Variants in NRP2 observed in about 807,000 individuals in gnomAD.
The protein encoded by NRP2 is neuropilin-2.
A neutral mutation model predicts 110.4 loss-of-function variants in NRP2; 52 were observed. The observed-to-expected ratio is 0.47, with a 90% CI of 0.38 to 0.59. NRP2 has a LOEUF of 0.59. NRP2 is among the 20% of genes least tolerant of loss of function. NRP2 has a pLI of 0.00. For missense variants in NRP2, 1,049 were observed against 1,203.0 expected (o/e 0.87, Z 1.89); for synonymous variants, 508 against 468.9 (o/e 1.08, Z -1.08).
intron 1 of NRP2, among the ~76,000 whole-genome samples, chr2:205,694,923 T>C (rs2056391699): frequency 2.0e-5 from 3 of 152,238 alleles, no homozygotes. Flanking sequence ...TATTTATCTT[T>C]GTGGATATAT....
At chr2:205,768,981 C>T (rs2057973244) in intron 15 of NRP2, among the ~76,000 whole-genome samples, 4 of 152,152 alleles carry the variant, frequency 2.6e-5, no homozygotes, top group Admixed American at 2.6e-4. Flanking sequence ...TGGCTGAGAC[C>T]TGTTTGACCA....
At position 205,701,538 on chromosome 2, in the gene NRP2, C is replaced by CAA. The variant is rs11448123; in HGVS notation, c.251+3832_251+3833dup. The CAA allele has an allele frequency of 3.5e-3, 453 of 128,654 alleles. 1 individual carries two copies. The highest frequency in any genetic ancestry group is 9.4e-3 in the South Asian group (37 of 3,918). The allele number at this position is 128,654 out of a possible 1,614,324, so 8.0% of individuals were successfully genotyped here. ...TGGGTGAAAGAGTGAGACTCTGTCT[C>CAA]AAAAAAAAAAAAAAAAGAATTGGTA... On this transcript the variant is annotated intron_variant, in intron 2 of 16. Transcript: ENST00000357785.
At chr2:205,745,926 A>G (rs371165918) in intron 10 of NRP2, 36 bp downstream of exon 10, 51 of 1,612,724 alleles carry the variant, frequency 3.2e-5, no homozygotes, top group Non-Finnish European at 3.6e-5. Context: ...CATCTCACCC[A>G]CATGGTCCTC....
At chr2:205,703,893 C>G (rs2056615543) in intron 2 of NRP2, among the ~76,000 whole-genome samples, 2 of 152,124 alleles carry the variant, frequency 1.3e-5, no homozygotes, top group South Asian at 4.2e-4. Context: ...TGACACAAAC[C>G]CTTTTCCCGG....
intron 16 of NRP2, among the ~76,000 whole-genome samples, 160 bp downstream of exon 16, chr2:205,792,445 A>T (rs893286710): frequency 6.6e-6 from 1 of 152,244 alleles, no homozygotes; most frequent in African/African-American, 2.4e-5. Context: ...CCATCAATGG[A>T]TCTGTCAGGG....
chr2:205,736,030 A>C (rs1470632403), intron 7 of NRP2, among the ~76,000 whole-genome samples: 1 of 152,190 alleles, frequency 6.6e-6, no homozygotes, highest in East Asian at 1.9e-4. Context: ...AACCATACTA[A>C]GATCTTTCTT....
In NRP2 at chr2:205,743,504, C is replaced by A. The variant is rs373025184; in HGVS notation, c.1593C>A (p.Asn531Lys). 1 of 1,614,200 alleles carries A rather than the reference C, an allele frequency of 6.2e-7. No individual in the cohort carries two copies. The change falls in exon 9 of 17, where the codon AAC becomes AAA. Residue 531 changes from asparagine (N) to lysine (K), a missense_variant. Asn to Lys is a moderately conservative substitution (Grantham distance 94). Coordinates refer to ENST00000357785, the MANE Select transcript of NRP2 (RefSeq NM_003872.3). ...VRKFKVSYSL[N>K]GKDWEYIQDP... Reference sequence around the variant, plus strand: ...AGTTCAAAGTCTCCTACAGCCTAAACGGCAAGGACTGGGAATACATTCAGG... The same window carrying A: ...AGTTCAAAGTCTCCTACAGCCTAAAAGGCAAGGACTGGGAATACATTCAGG...
intron 2 of NRP2, among the ~76,000 whole-genome samples, chr2:205,710,828 C>T (rs961911763): frequency 2.0e-5 from 3 of 152,180 alleles, no homozygotes; most frequent in African/African-American, 7.2e-5. Context: ...AAGAAAGGCA[C>T]TCCAGGAGGT....
intron 12 of NRP2, among the ~76,000 whole-genome samples, chr2:205,758,733 T>C (rs1466706660): frequency 1.3e-5 from 2 of 152,202 alleles, no homozygotes; most frequent in African/African-American, 4.8e-5. Flanking sequence ...TTCAATCTCT[T>C]TCAGCAATGG....
intron 15 of NRP2, among the ~76,000 whole-genome samples, chr2:205,782,959 A>G (rs376997906): frequency 8.6e-5 from 13 of 152,006 alleles, no homozygotes; most frequent in East Asian, 3.9e-4. Flanking sequence ...GGTCAAACAC[A>G]TCCCTGTTTT....
intron 2 of NRP2, among the ~76,000 whole-genome samples, chr2:205,706,610 A>C (rs1448309533): frequency 6.6e-6 from 1 of 152,186 alleles, no homozygotes; most frequent in Non-Finnish European, 1.5e-5. Context: ...CTAAAAGTTC[A>C]AAGCGATTTA....
At chr2:205,777,404 T>A (rs1434518821) in intron 15 of NRP2, 1 of 152,312 alleles carries the variant, frequency 6.6e-6, no homozygotes, top group Non-Finnish European at 1.5e-5. Context: ...TCATGTTGCC[T>A]TATAAAAGAG....
chr2:205,734,704 C>T (rs1861386), intron 7 of NRP2, among the ~76,000 whole-genome samples: 98,683 of 151,972 alleles, frequency 0.65, 32,654 homozygotes, highest in African/African-American at 0.78. Context: ...TTTGTTTTCC[C>T]CCTTCTTGAG....
At position 205,763,785 on chromosome 2, in the gene NRP2, A is replaced by G; in HGVS notation, c.2156A>G (p.Gln719Arg). 3 of 1,614,198 alleles carry G rather than the reference A, an allele frequency of 1.9e-6. No homozygotes were observed. Among genetic ancestry groups the G allele is most frequent in the Non-Finnish European group, 2.5e-6 (3 of 1,180,030 alleles). The change falls in exon 13 of 17, where the codon CAG becomes CGG. Residue 719 changes from glutamine (Q) to arginine (R), a missense_variant. Physicochemically the swap from Gln to Arg is conservative, Grantham distance 43 (BLOSUM62 1). Coordinates refer to ENST00000357785, the MANE Select transcript of NRP2 (RefSeq NM_003872.3). This position sits in a 1 kb window ranked among gnomAD's most constrained non-coding sequence, Gnocchi z 4.0. ...CGAAGCCCGGTGTGCATGGAGTTCC[A>G]GTACCAGGCCACGGGCGGCCGCGGG... ...LPRSPVCMEF[Q>R]YQATGGRGVA...
At chr2:205,736,919 AT>A (rs1464457231) in intron 7 of NRP2, among the ~76,000 whole-genome samples, 1 of 152,222 alleles carries the variant, frequency 6.6e-6, no homozygotes, top group Non-Finnish European at 1.5e-5. Context: ...AGTCATAAAG[AT>A]GTATAATATA....
intron 16 of NRP2, 111 bp from the exon 17 acceptor site, chr2:205,794,643 C>T: frequency 9.0e-7 from 1 of 1,110,664 alleles, no homozygotes; most frequent in Non-Finnish European, 1.4e-6. Flanking sequence ...AATTCCAGAG[C>T]TGCTGCTGCT....
rs770649024 is a variant in NRP2, at chr2:205,763,653, G to C, written c.2045-21G>C. 2 of 1,613,908 alleles carry C rather than the reference G, an allele frequency of 1.2e-6. No homozygotes were observed. Among genetic ancestry groups the C allele is most frequent in the Non-Finnish European group, 1.7e-6 (2 of 1,180,032 alleles). ...TCCCGAGTGTTTATGGAGAACCTCT[G>C]TTTGGGTTTGTTTCTGCCAGATGAC... On this transcript the variant is annotated intron_variant, in intron 12 of 16. Transcript: ENST00000357785. This position sits in a 1 kb window ranked among gnomAD's most constrained non-coding sequence, Gnocchi z 4.0.
Position 205,745,811 on chromosome 2 carries a change from G to A in NRP2, c.1707G>A (p.Gln569=), listed in dbSNP as rs764685033. Residue 569 remains glutamine (Q), a synonymous_variant, in exon 10 of 17, where the codon CAG becomes CAA. Transcript: ENST00000357785. ...GAAGGTTTGACCCCATTCCGGCACA[G>A]TATGTGCGGGTATACCCGGAGAGGT... ...DIRRFDPIPA[Q]YVRVYPERWS... 1 of 1,613,948 alleles carries A rather than the reference G, an allele frequency of 6.2e-7. No individual in the cohort carries two copies. Among genetic ancestry groups the A allele is most frequent in the African/African-American group, 1.3e-5 (1 of 74,950 alleles).
chr2:205,745,986 A>AT, intron 10 of NRP2, 96 bp downstream of exon 10: 1 of 1,417,144 alleles, frequency 7.1e-7, no homozygotes, highest in Non-Finnish European at 9.9e-7. Flanking sequence ...GGGGGCAGCC[A>AT]TCCCAGGAGC....
Sources: allele counts gnomAD v4.1 joint callset (sites outside exome capture counted in the v4.1 genomes callset), GRCh38; gene constraint gnomAD v4.1.1; non-coding constraint Gnocchi (gnomAD v3.1); transcripts MANE v1.5; gene names NCBI Gene and HGNC (gene_info 2026-07-23, HGNC 2026-07-21).